ARFIP1: variants seen among roughly 807,000 people sequenced by gnomAD.
ARFIP1 encodes the protein arfaptin-1.
A neutral mutation model predicts 42.5 loss-of-function variants in ARFIP1; 24 were observed. The ratio of observed to expected loss-of-function variants is 0.57; its 90% CI spans 0.41 to 0.80. The LOEUF (loss-of-function observed/expected upper bound fraction) is 0.80. ARFIP1 is among the 30% of genes least tolerant of loss of function. The pLI, the probability that ARFIP1 is intolerant of heterozygous loss-of-function variation, is 0.00. For missense variants in ARFIP1, 354 were observed against 434.0 expected, an observed-to-expected ratio of 0.82 and a Z score of 1.64; for synonymous variants, 141 against 153.7, an observed-to-expected ratio of 0.92 and a Z score of 0.61.
At chr4:152,795,501 G>A (rs1731390100) in intron 1 of ARFIP1, among the ~76,000 whole-genome samples, 1 of 152,090 alleles carries the variant, frequency 6.6e-6, no homozygotes, top group Non-Finnish European at 1.5e-5. Context: ...GCTAGAGTGT[G>A]TATTTGTCTT....
chr4:152,898,119 A>T (rs1181022580), intron 8 of ARFIP1, among the ~76,000 whole-genome samples: 1 of 150,072 alleles, frequency 6.7e-6, no homozygotes, highest in African/African-American at 2.5e-5. Context: ...AGTGGCTGGG[A>T]TTACAGGCGC....
At chr4:152,902,738 G>A (rs1471378029) in intron 8 of ARFIP1, among the ~76,000 whole-genome samples, 1 of 152,084 alleles carries the variant, frequency 6.6e-6, no homozygotes, top group East Asian at 1.9e-4. Flanking sequence ...AATATTTCCT[G>A]GAACATTTTG....
intron 7 of ARFIP1, among the ~76,000 whole-genome samples, chr4:152,883,682 A>G (rs1736033781): frequency 6.6e-6 from 1 of 151,176 alleles, no homozygotes; most frequent in Non-Finnish European, 1.5e-5. Flanking sequence ...ATGGTGAACA[A>G]AATATATATT....
At chr4:152,809,808 T>C (rs1056360477) in intron 1 of ARFIP1, 10 of 152,232 alleles carry the variant, frequency 6.6e-5, no homozygotes, top group African/African-American at 2.4e-4. Flanking sequence ...TTAAAGTACA[T>C]TCTACATACA....
intron 2 of ARFIP1, among the ~76,000 whole-genome samples, chr4:152,853,945 C>CT (rs1397012453): frequency 2.7e-5 from 3 of 110,720 alleles, no homozygotes; most frequent in Non-Finnish European, 3.5e-5. Context: ...GAGTCTCACT[C>CT]TATCACCCAG....
intron 8 of ARFIP1, among the ~76,000 whole-genome samples, chr4:152,904,610 C>A (rs1738150280): frequency 6.6e-6 from 1 of 151,766 alleles, no homozygotes; most frequent in African/African-American, 2.4e-5. Context: ...CATGTGTTCT[C>A]ATTGTTCAGC....
chr4:152,803,224 T>G (rs1728563021), intron 1 of ARFIP1, among the ~76,000 whole-genome samples: 1 of 152,026 alleles, frequency 6.6e-6, no homozygotes, highest in South Asian at 2.1e-4. Context: ...TTTGCTGGAG[T>G]GCTGTTTGGT....
intron 3 of ARFIP1, among the ~76,000 whole-genome samples, chr4:152,867,754 T>C (rs78776465): frequency 6.6e-6 from 1 of 152,262 alleles, no homozygotes; most frequent in African/African-American, 2.4e-5. Context: ...ATCCTTCCAA[T>C]TGGAATAAGA....
intron 2 of ARFIP1, among the ~76,000 whole-genome samples, chr4:152,842,471 G>T (rs1732177391): frequency 6.6e-6 from 1 of 152,156 alleles, no homozygotes; most frequent in South Asian, 2.1e-4. Flanking sequence ...AGCAAGGCAG[G>T]GGAGGTTTTC....
chr4:152,888,416 G>T, intron 8 of ARFIP1, 109 bp downstream of exon 8: 1 of 731,984 alleles, frequency 1.4e-6, no homozygotes. Flanking sequence ...ATTGCAAGAA[G>T]GAATTCCATT....
At chr4:152,899,741 T>C (rs540244507) in intron 8 of ARFIP1, among the ~76,000 whole-genome samples, 1 of 152,158 alleles carries the variant, frequency 6.6e-6, no homozygotes, top group East Asian at 1.9e-4. Context: ...CCTTCCTACA[T>C]TGAGTATTGA....
At chr4:152,841,079 A>G (rs1732031350) in intron 2 of ARFIP1, among the ~76,000 whole-genome samples, 1 of 151,032 alleles carries the variant, frequency 6.6e-6, no homozygotes, top group African/African-American at 2.4e-5. Context: ...CTCTGTTGCC[A>G]GGCTAGAGTG....
chr4:152,872,677 CTAA>C (rs1734990022), intron 5 of ARFIP1, 113 bp downstream of exon 5: 4 of 550,410 alleles, frequency 7.3e-6, no homozygotes, highest in Non-Finnish European at 1.2e-5. Flanking sequence ...AAAATGCCAT[CTAA>C]ACATGGTAGA....
At chr4:152,800,817 GAAT>G (rs758699124) in intron 1 of ARFIP1, among the ~76,000 whole-genome samples, 1 of 152,100 alleles carries the variant, frequency 6.6e-6, no homozygotes, top group African/African-American at 2.4e-5. Flanking sequence ...ATAAAATGCA[GAAT>G]AATAATTCCT....
At chr4:152,804,552 T>C (rs1304243239) in intron 1 of ARFIP1, among the ~76,000 whole-genome samples, 1 of 140,778 alleles carries the variant, frequency 7.1e-6, no homozygotes, top group Non-Finnish European at 1.5e-5. Flanking sequence ...TCAGTCACTC[T>C]AGGAGAGGCA....
chr4:152,882,668 A>T, intron 6 of ARFIP1, 55 bp from the exon 7 acceptor site: 2 of 1,531,332 alleles, frequency 1.3e-6, no homozygotes, highest in Non-Finnish European at 1.8e-6. Context: ...TGAGATTTTT[A>T]AGTCACTTTT....
intron 1 of ARFIP1, among the ~76,000 whole-genome samples, chr4:152,806,454 A>G (rs1729002341): frequency 6.6e-6 from 1 of 152,200 alleles, no homozygotes; most frequent in Non-Finnish European, 1.5e-5. Context: ...GGGGGCCTGC[A>G]GGAAAAATAG....
intron 2 of ARFIP1, among the ~76,000 whole-genome samples, chr4:152,859,326 TG>T (rs1472040170): frequency 6.6e-6 from 1 of 152,212 alleles, no homozygotes; most frequent in African/African-American, 2.4e-5. Flanking sequence ...CCTCCCAAAG[TG>T]CTGGGATTAC....
At chr4:152,878,563 A>C (rs1735559943) in intron 5 of ARFIP1, among the ~76,000 whole-genome samples, 1 of 152,106 alleles carries the variant, frequency 6.6e-6, no homozygotes, top group Non-Finnish European at 1.5e-5. Context: ...GTGTAGATTT[A>C]TCAGATTGGA....
Sources: gnomAD v4.1 joint callset for allele counts (sites outside exome capture counted in the v4.1 genomes callset) on GRCh38, gnomAD v4.1.1 for gene constraint, MANE v1.5 for transcripts, NCBI Gene and HGNC (gene_info 2026-07-23, HGNC 2026-07-21) for gene names.